Variants in TRRAP observed in about 807,000 individuals in gnomAD.
TRRAP encodes transformation/transcription domain-associated protein.
In TRRAP, 41 loss-of-function variants were observed where a neutral mutation model predicts 438.8. The observed-to-expected ratio is 0.09, with a 90% CI of 0.07 to 0.12. The LOEUF (loss-of-function observed/expected upper bound fraction) is 0.12. Ranked by LOEUF, TRRAP falls within the 10% of genes least tolerant of loss-of-function variation. The probability of loss-of-function intolerance (pLI) is 1.00; values close to 1 mark genes in which losing one functional copy is unlikely to be tolerated. For missense variants in TRRAP, 3,122 were observed against 5,055.1 expected, an observed-to-expected ratio of 0.62 and a Z score of 11.60; for synonymous variants, 1,994 against 1,962.9, an observed-to-expected ratio of 1.02 and a Z score of -0.42.
intron 13 of TRRAP, 61 bp downstream of exon 13, chr7:98,906,316 C>A (rs1247835505): frequency 4.4e-6 from 6 of 1,361,450 alleles, no homozygotes; most frequent in Middle Eastern, 1.8e-4. Context: ...GTTACTGGCA[C>A]TTCATGTTAC....
At chr7:98,896,316 C>T (rs1409208969) in intron 7 of TRRAP, among the ~76,000 whole-genome samples, 2 of 151,782 alleles carry the variant, frequency 1.3e-5, no homozygotes, top group African/African-American at 2.4e-5. Flanking sequence ...GGAAAATCTC[C>T]TCATCTCCTT....
chr7:98,957,881 C>T (rs1412814904), intron 43 of TRRAP, 100 bp from the exon 44 acceptor site: 42 of 981,000 alleles, frequency 4.3e-5, no homozygotes, highest in Non-Finnish European at 6.2e-5. Context: ...CCTCTGTCCC[C>T]GGGAGGTACC....
At chr7:98,997,151 C>T (rs955850862) in intron 67 of TRRAP, among the ~76,000 whole-genome samples, 3 of 151,860 alleles carry the variant, frequency 2.0e-5, no homozygotes, top group African/African-American at 4.8e-5. Context: ...ACTAAAAATA[C>T]AAAAATTAGC....
At chr7:98,961,224 T>G (rs747420702) in intron 45 of TRRAP, 37 bp from the exon 46 acceptor site, 10 of 1,601,654 alleles carry the variant, frequency 6.2e-6, no homozygotes, top group Non-Finnish European at 8.6e-6. Flanking sequence ...ATTGAGTGTT[T>G]GTTTCCTCTG....
chr7:98,937,343 TAA>T, intron 29 of TRRAP, 66 bp downstream of exon 29: 1 of 1,553,078 alleles, frequency 6.4e-7, no homozygotes, highest in African/African-American at 1.4e-5. Context: ...TACTCTGCAT[TAA>T]GAGTTCTTCC....
rs116016181 is a variant in TRRAP at position 99,009,300 on chromosome 7, C to T, written c.10938+739C>T. Reference sequence around the variant, plus strand: ...TCTATGGGTCCCAAGAAGGAGAGACCACAGAGGTGGATGCTGTGACCTTGT... The same window carrying T: ...TCTATGGGTCCCAAGAAGGAGAGACTACAGAGGTGGATGCTGTGACCTTGT... On this transcript the variant is annotated intron_variant, in intron 70 of 72. Transcript: ENST00000456197. Among the ~76,000 whole-genome samples the T allele has an allele frequency of 7.6e-3, 1,161 of 152,210 alleles. 8 individuals are homozygous for T. Among genetic ancestry groups the T allele is most frequent in the African/African-American group, 0.027 (1,128 of 41,522 alleles).
chr7:99,003,475 G>A (rs529878211), intron 67 of TRRAP, among the ~76,000 whole-genome samples: 2 of 152,252 alleles, frequency 1.3e-5, no homozygotes, highest in South Asian at 4.1e-4. Flanking sequence ...CGGGGTTGCC[G>A]TTGGATGCTG....
rs930568429 is a variant in TRRAP, at chr7:98,998,917, G to A, written c.10309+4069G>A. On this transcript the variant is annotated intron_variant, in intron 67 of 72. Coordinates refer to ENST00000456197, the MANE Select transcript of TRRAP (RefSeq NM_001375524.1). The stretch of plus-strand genomic sequence containing the variant: ...CTTACATGGAGAGGCCCCATGGTAG[G>A]TCAGTCTGCACAAGGTACAGAAGGC... 10 of 492,270 alleles carry A rather than the reference G, an allele frequency of 2.0e-5. No individual in the cohort carries two copies. The South Asian group carries it at 2.7e-4, about 13-fold the overall frequency. The allele number at this position is 492,270 out of a possible 1,614,324, so 30.5% of individuals were successfully genotyped here.
chr7:98,910,431 C>A lies in TRRAP; in HGVS notation c.1714+12C>A. The A allele has an allele frequency of 6.2e-7, 1 of 1,611,206 alleles. No homozygotes were observed. The stretch of plus-strand genomic sequence containing the variant: ...CAAAGCACCTGGTGGTAATTCTGCT[C>A]TTCAGTTATGTAGACAAACAATAGT... On this transcript the variant is annotated intron_variant, in intron 15 of 72. Coordinates refer to ENST00000456197, the MANE Select transcript of TRRAP (RefSeq NM_001375524.1).
chr7:99,002,150 G>T (rs1793958003), intron 67 of TRRAP, among the ~76,000 whole-genome samples: 1 of 151,312 alleles, frequency 6.6e-6, no homozygotes, highest in East Asian at 1.9e-4. Flanking sequence ...GGGGTGGGTG[G>T]TAGCTGTGAA....
chr7:98,915,024 T>C (rs1267812901), intron 18 of TRRAP, among the ~76,000 whole-genome samples: 1 of 152,102 alleles, frequency 6.6e-6, no homozygotes, highest in African/African-American at 2.4e-5. Context: ...GTTTAAAATT[T>C]TGATTAAAGC....
chr7:99,010,067 T>C (rs181237541), intron 70 of TRRAP, among the ~76,000 whole-genome samples: 5 of 152,182 alleles, frequency 3.3e-5, no homozygotes, highest in African/African-American at 1.2e-4. Context: ...TTTGTATTTT[T>C]AGGAGAGATG....
rs1357930528 is a variant in TRRAP, at chr7:98,984,175, A to G, written c.9105A>G (p.Ser3035=). ...NAMLGVHASA[S]AIIQYGKIAR... is the part of the protein sequence containing the mutation. ...TGCTTGGGGTTCATGCATCAGCTTC[A>G]GCGATCATCCAGTATGGAAAAATCG... Residue 3035 remains serine, a synonymous_variant, in exon 61 of 73, where the codon TCA becomes TCG. Coordinates refer to ENST00000456197, the MANE Select transcript of TRRAP (RefSeq NM_001375524.1). The G allele has an allele frequency of 6.2e-7, 1 of 1,614,098 alleles. No individual in the cohort carries two copies. The highest frequency in any genetic ancestry group is 8.5e-7 in the Non-Finnish European group (1 of 1,180,040).
chr7:98,897,896 G>C lies in TRRAP; in HGVS notation c.633+30G>C, dbSNP rs781842397. 32 of 1,612,180 alleles carry C rather than the reference G, an allele frequency of 2.0e-5. No homozygotes were observed. The Admixed American group carries it at 5.4e-4, about 27-fold the overall frequency. On this transcript the variant is annotated intron_variant, in intron 8 of 72. Coordinates refer to ENST00000456197, the MANE Select transcript of TRRAP (RefSeq NM_001375524.1). ...GTGTTTCGCTGAGTTATTTCTACCC[G>C]TGGCTCCTGTAGTTTCGGATACTGG... is the stretch of plus-strand genomic sequence containing the variant.
chr7:98,894,878 C>T (rs188556142), intron 6 of TRRAP, among the ~76,000 whole-genome samples: 48 of 150,626 alleles, frequency 3.2e-4, no homozygotes, highest in Middle Eastern at 3.5e-3. Context: ...TCATGTGATC[C>T]GCCTGCCTCA....
chr7:98,950,035 T>C (rs782043807), intron 37 of TRRAP, 29 bp from the exon 38 acceptor site: 2 of 1,613,156 alleles, frequency 1.2e-6, no homozygotes, highest in South Asian at 2.2e-5. Context: ...TGCTCTAAGT[T>C]AACCTGTCTT....
rs55848275 is a variant in TRRAP, at chr7:99,004,009, G to A, written c.10310-181G>A. 0.11 allele frequency among the ~76,000 whole-genome samples: 16,131 copies of A among 152,152 alleles called. 925 individuals carry two copies. The highest frequency in any genetic ancestry group is 0.24 in the East Asian group (1,252 of 5,152). ...AATCACTGAAACCCGGGAGGCGGAC[G>A]TTGCAGTGAGCGGAGATCGCACCAC... On this transcript the variant is annotated intron_variant, in intron 67 of 72. Transcript: ENST00000456197.
rs184565641 is a variant in TRRAP at position 98,997,647 on chromosome 7, A to G, written c.10309+2799A>G. Among the ~76,000 whole-genome samples, 147 of 151,752 alleles carry G rather than the reference A, an allele frequency of 9.7e-4. 1 individual carries two copies. The highest frequency in any genetic ancestry group is 3.5e-3 in the African/African-American group (143 of 41,046). On this transcript the variant is annotated intron_variant, in intron 67 of 72. Coordinates refer to ENST00000456197, the MANE Select transcript of TRRAP (RefSeq NM_001375524.1). ...ATTCAGGAACATTCAGCTTGGAAAT[A>G]TATTAGGCTTTCTCCTAGTCCAGCA...
intron 7 of TRRAP, among the ~76,000 whole-genome samples, chr7:98,896,640 T>TC (rs1429046681): frequency 5.3e-5 from 8 of 152,202 alleles, no homozygotes; most frequent in Admixed American, 4.6e-4. Flanking sequence ...CACCTCAGCC[T>TC]CCCAGAGTGC....
Sources: gnomAD v4.1 joint callset for allele counts (sites outside exome capture counted in the v4.1 genomes callset) on GRCh38, gnomAD v4.1.1 for gene constraint, MANE v1.5 for transcripts, NCBI Gene and HGNC (gene_info 2026-07-23, HGNC 2026-07-21) for gene names.